The following HADHB variants were observed in gnomAD, a reference collection of about 807,000 sequenced individuals.
HADHB encodes trifunctional enzyme subunit beta, mitochondrial.
In HADHB, 50 loss-of-function variants were observed where a neutral mutation model predicts 61.9. The ratio of observed to expected loss-of-function variants is 0.81; its 90% CI spans 0.64 to 1.02. HADHB has a LOEUF of 1.02. HADHB is among the 50% of genes least tolerant of loss of function. The pLI, the probability that HADHB is intolerant of heterozygous loss-of-function variation, is 0.00. For synonymous variants in HADHB, 191 were observed against 201.6 expected, an observed-to-expected ratio of 0.95 and a Z score of 0.45; for missense variants, 504 against 586.5, an observed-to-expected ratio of 0.86 and a Z score of 1.45.
chr2:26,264,989 C>CA (rs79294625), intron 4 of HADHB, among the ~76,000 whole-genome samples: 1,391 of 99,968 alleles, frequency 0.014, 9 homozygotes, highest in African/African-American at 0.032. Flanking sequence ...GACCCTGTTT[C>CA]AAAAAAAAAA....
chr2:26,253,730 G>A (rs1671492298), intron 1 of HADHB, among the ~76,000 whole-genome samples: 1 of 151,994 alleles, frequency 6.6e-6, no homozygotes, highest in Non-Finnish European at 1.5e-5. Context: ...GCACGTGCCT[G>A]TAATCCCAGC....
At chr2:26,266,095 G>GA (rs36093542) in intron 4 of HADHB, among the ~76,000 whole-genome samples, 105 of 138,782 alleles carry the variant, frequency 7.6e-4, no homozygotes, top group African/African-American at 2.0e-3. Flanking sequence ...ACAAAAAAAA[G>GA]AAAAAAAAAA....
chr2:26,247,440 T>C (rs888548277), intron 1 of HADHB, among the ~76,000 whole-genome samples: 6 of 152,240 alleles, frequency 3.9e-5, no homozygotes, highest in African/African-American at 1.4e-4. Context: ...TACAGAAAAG[T>C]CTAAAGAAAA....
chr2:26,274,562 T>G (rs1362701227), intron 6 of HADHB, among the ~76,000 whole-genome samples: 1 of 152,216 alleles, frequency 6.6e-6, no homozygotes, highest in Non-Finnish European at 1.5e-5. Context: ...GCCAAAGGCC[T>G]GGCATGACTG....
intron 1 of HADHB, among the ~76,000 whole-genome samples, chr2:26,249,602 G>T (rs997477914): frequency 2.0e-5 from 3 of 152,026 alleles, no homozygotes; most frequent in Admixed American, 1.3e-4. Context: ...ATTCGGCCAG[G>T]ACTCTTCTTT....
intron 1 of HADHB, among the ~76,000 whole-genome samples, chr2:26,250,233 A>G (rs942326415): frequency 6.6e-6 from 1 of 152,030 alleles, no homozygotes; most frequent in Non-Finnish European, 1.5e-5. Flanking sequence ...TGAACTCCCA[A>G]CCTCAGGTGA....
intron 3 of HADHB, among the ~76,000 whole-genome samples, chr2:26,257,322 G>A (rs1212684856): frequency 1.3e-5 from 2 of 151,574 alleles, no homozygotes; most frequent in African/African-American, 4.8e-5. Flanking sequence ...GGGTGTCACC[G>A]TGTTAGCCAG....
intron 13 of HADHB, 111 bp from the exon 14 acceptor site, chr2:26,284,772 G>A: frequency 3.9e-6 from 3 of 766,244 alleles, no homozygotes; most frequent in African/African-American, 1.7e-5. Context: ...TGGCCGATTT[G>A]TTCAACTTTA....
chr2:26,290,049 T>C lies in HADHB; in HGVS notation c.*96T>C. The C allele has an allele frequency of 2.3e-6, 2 of 867,072 alleles. No individual in the cohort carries two copies. Among genetic ancestry groups the C allele is most frequent in the Non-Finnish European group, 4.0e-6 (2 of 502,154 alleles). 53.7% of individuals were successfully genotyped at this position (867,072 alleles called of 1,614,324 possible). A position where few individuals can be genotyped will look rare whatever the true frequency, so the allele number is the denominator to read the frequency against. On this transcript the variant is annotated 3_prime_UTR_variant, in exon 16 of 16. Coordinates refer to ENST00000317799, the MANE Select transcript of HADHB (RefSeq NM_000183.3). Reference sequence around the variant, plus strand: ...CTAAATGACATTTGTAGTTCCTAGCTCCTCTTAGGAAAACAGTTCTTGTGG... The same window carrying C: ...CTAAATGACATTTGTAGTTCCTAGCCCCTCTTAGGAAAACAGTTCTTGTGG...
rs185307410 is a variant in HADHB at position 26,271,502 on chromosome 2, C to T, written c.254+1505C>T. Among the ~76,000 whole-genome samples, 607 of 151,984 alleles carry T rather than the reference C, an allele frequency of 4.0e-3. 4 individuals carry two copies. Among genetic ancestry groups the T allele is most frequent in the African/African-American group, 0.013 (556 of 41,494 alleles). On this transcript the variant is annotated intron_variant, in intron 5 of 15. Transcript: ENST00000317799. ...AGCCTGGGCAACAAGAGCAAAACTC[C>T]GTCTCAAAAAATAAAAATAAAAAAC...
At position 26,269,964 on chromosome 2, in the gene HADHB, T is replaced by G. The variant is rs759319520; in HGVS notation, c.221T>G (p.Leu74Arg). 1 of 1,607,892 alleles carries G rather than the reference T, an allele frequency of 6.2e-7. No individual in the cohort carries two copies. The highest frequency in any genetic ancestry group is 1.7e-5 in the Admixed American group (1 of 60,018). ...TTTTCGTTCCCCAGATATAAAGACC[T>G]GATGCCACATGATTTGGCTAGAGCA... ...FLLSGTSYKD[L>R]MPHDLARAAL... The change falls in exon 5 of 16, where the codon CTG becomes CGG. Residue 74 changes from leucine to arginine, a missense_variant. By Grantham distance (102) the Leu-to-Arg change is moderately radical (BLOSUM62 -2). Coordinates refer to ENST00000317799, the MANE Select transcript of HADHB (RefSeq NM_000183.3).
intron 10 of HADHB, among the ~76,000 whole-genome samples, chr2:26,282,217 A>G (rs1672819909): frequency 6.6e-6 from 1 of 151,128 alleles, no homozygotes; most frequent in South Asian, 2.1e-4. Context: ...TTTGGCTTAA[A>G]TAAGTGTTTA....
At chr2:26,247,301 G>A (rs1198397583) in intron 1 of HADHB, among the ~76,000 whole-genome samples, 2 of 152,138 alleles carry the variant, frequency 1.3e-5, no homozygotes, top group Non-Finnish European at 2.9e-5. Flanking sequence ...GTTTTCTGAA[G>A]TTTAGCAAAT....
At chr2:26,283,123 A>G (rs1186600831) in intron 12 of HADHB, 72 bp downstream of exon 12, 1 of 936,794 alleles carries the variant, frequency 1.1e-6, no homozygotes, top group Non-Finnish European at 1.8e-6. Flanking sequence ...ATACTGGTTA[A>G]TAAATGATTA....
At chr2:26,247,810 A>G (rs182543642) in intron 1 of HADHB, among the ~76,000 whole-genome samples, 1 of 152,320 alleles carries the variant, frequency 6.6e-6, no homozygotes, top group Non-Finnish European at 1.5e-5. Context: ...TTGCAAATAA[A>G]TACTATGCCA....
intron 4 of HADHB, among the ~76,000 whole-genome samples, chr2:26,264,769 G>C (rs1036857745): frequency 4.6e-5 from 7 of 152,002 alleles, no homozygotes; most frequent in African/African-American, 1.7e-4. Context: ...CAGCACTTTG[G>C]AAGGCTAAGG....
rs371125387 is a variant in HADHB, at chr2:26,273,770, T to A, written c.354+20T>A. ...AGAGAGGTGAGTAAAACAAACTTTATGTTGTTTAAAGAGTGATAGGAGAAT... is the reference window on the plus strand; with the variant it reads ...AGAGAGGTGAGTAAAACAAACTTTAAGTTGTTTAAAGAGTGATAGGAGAAT... On this transcript the variant is annotated intron_variant, in intron 6 of 15. Transcript: ENST00000317799. The A allele has an allele frequency of 3.3e-6, 4 of 1,226,714 alleles. No individual in the cohort carries two copies. Among genetic ancestry groups the A allele is most frequent in the African/African-American group, 3.0e-5 (2 of 67,552 alleles). The allele number at this position is 1,226,714 out of a possible 1,614,324, so 76.0% of individuals were successfully genotyped here. A position where few individuals can be genotyped will look rare whatever the true frequency, so the allele number is the denominator to read the frequency against.
At chr2:26,248,213 GTA>G (rs1671239450) in intron 1 of HADHB, among the ~76,000 whole-genome samples, 1 of 152,148 alleles carries the variant, frequency 6.6e-6, no homozygotes, top group Admixed American at 6.5e-5. Flanking sequence ...TTCCATGTCA[GTA>G]TATATACATG....
intron 15 of HADHB, among the ~76,000 whole-genome samples, chr2:26,286,810 TTTG>T (rs1278247849): frequency 1.8e-4 from 26 of 144,054 alleles, no homozygotes; most frequent in African/African-American, 6.8e-4. Flanking sequence ...CTGGCCTGTT[TTTG>T]TTTTTTTTTT....
Sources: allele counts gnomAD v4.1 joint callset (sites outside exome capture counted in the v4.1 genomes callset), GRCh38; gene constraint gnomAD v4.1.1; transcripts MANE v1.5; gene names NCBI Gene and HGNC (gene_info 2026-07-23, HGNC 2026-07-21).